Variants in GPRC5B observed in about 807,000 individuals in gnomAD.
The protein encoded by GPRC5B is G protein-coupled receptor class C group 5 member B.
In GPRC5B, 16 loss-of-function variants were observed where a neutral mutation model predicts 30.1. The observed-to-expected ratio is 0.53, with a 90% CI of 0.36 to 0.81. The LOEUF (loss-of-function observed/expected upper bound fraction) is 0.81, where lower values mean the gene tolerates loss of function less well. GPRC5B is among the 30% of genes least tolerant of loss of function. The pLI is 0.01. For missense variants in GPRC5B, 428 were observed against 544.7 expected, an observed-to-expected ratio of 0.79 and a Z score of 2.13; for synonymous variants, 241 against 239.5, an observed-to-expected ratio of 1.01 and a Z score of -0.06.
Position 19,858,793 on chromosome 16 carries a change from G to T in GPRC5B, c.*1707C>A, listed in dbSNP as rs958313083. 5.8e-4 allele frequency: 221 copies of T among 380,822 alleles called. 2 individuals are homozygous for T. The highest frequency in any genetic ancestry group is 9.0e-4 in the Non-Finnish European group (193 of 215,402). 23.6% of individuals were successfully genotyped at this position (380,822 alleles called of 1,614,324 possible). A position where few individuals can be genotyped will look rare whatever the true frequency, so the allele number is the denominator to read the frequency against. On this transcript the variant is annotated 3_prime_UTR_variant, in exon 4 of 4. Coordinates refer to ENST00000300571, the MANE Select transcript of GPRC5B (RefSeq NM_016235.3). ...GGCGGGGTGCTTCCGGGGAGGTCAGGTGGGGGTGGCATTCTGGGGCCATGC... is the reference window on the plus strand; with the variant it reads ...GGCGGGGTGCTTCCGGGGAGGTCAGTTGGGGGTGGCATTCTGGGGCCATGC...
Position 19,884,309 on chromosome 16 carries a change from T to C in GPRC5B, c.-2+418A>G, listed in dbSNP as rs1213583633. On this transcript the variant is annotated intron_variant, in intron 1 of 3. Transcript: ENST00000300571. The stretch of plus-strand genomic sequence containing the variant: ...TGTGCCCCCGGCTGCGTCTGCCCTG[T>C]CCACAGTCAGCCCCCAACGCGGCCC... 2.0e-5 allele frequency among the ~76,000 whole-genome samples: 3 copies of C among 150,320 alleles called. No homozygotes were observed. In the East Asian group the frequency reaches 6.0e-4, roughly 30 times the overall value.
chr16:19,880,580 C>A (rs906501306), intron 1 of GPRC5B, among the ~76,000 whole-genome samples: 3 of 152,078 alleles, frequency 2.0e-5, no homozygotes, highest in African/African-American at 7.2e-5. Context: ...AAGGGGAGAC[C>A]CTCTTGGGGT....
At chr16:19,876,596 A>T (rs1016382351) in intron 1 of GPRC5B, among the ~76,000 whole-genome samples, 1 of 152,058 alleles carries the variant, frequency 6.6e-6, no homozygotes, top group African/African-American at 2.4e-5. Flanking sequence ...AGCTCCTCCC[A>T]CTTCCTGCTC....
chr16:19,866,776 T>C (rs111235456), intron 2 of GPRC5B, among the ~76,000 whole-genome samples: 15 of 152,290 alleles, frequency 9.8e-5, no homozygotes, highest in African/African-American at 2.2e-4. Flanking sequence ...ATATTTTTGC[T>C]TTGGAAAAGA....
At chr16:19,869,365 A>G (rs2056694634) in intron 2 of GPRC5B, among the ~76,000 whole-genome samples, 1 of 151,772 alleles carries the variant, frequency 6.6e-6, no homozygotes, top group Non-Finnish European at 1.5e-5. Context: ...ACAGATTCAC[A>G]ATAGTGTCTG....
chr16:19,880,856 C>A (rs1418659244), intron 1 of GPRC5B: 1 of 152,302 alleles, frequency 6.6e-6, no homozygotes, highest in Non-Finnish European at 1.5e-5. Context: ...CTGGCCTTGC[C>A]CCAGCTGCTA....
In GPRC5B at chr16:19,872,305, G is replaced by A. The variant is rs774038607; in HGVS notation, c.541C>T (p.Leu181=). 2.7e-5 allele frequency: 44 copies of A among 1,613,968 alleles called. No homozygotes were observed. Among genetic ancestry groups the A allele is most frequent in the Non-Finnish European group, 3.7e-5 (44 of 1,180,028 alleles). The change falls in exon 2 of 4, where the codon CTG becomes TTG. Residue 181 remains leucine (L), a synonymous_variant. Coordinates refer to ENST00000300571, the MANE Select transcript of GPRC5B (RefSeq NM_016235.3). The surrounding 1 kb of genome is among the most constrained non-coding windows in gnomAD (Gnocchi z 5.0). ...LVQVIIAVEW[L]VLTVLRDTRP... ...GTGTCACGCAGCACGGTGAGCACCA[G>A]CCACTCCACAGCGATGATGACTTGC...
At chr16:19,863,731 G>C (rs2056645463) in intron 2 of GPRC5B, among the ~76,000 whole-genome samples, 1 of 151,982 alleles carries the variant, frequency 6.6e-6, no homozygotes, top group Non-Finnish European at 1.5e-5. Context: ...TCAAACTCCT[G>C]ACCAAGTGAT....
chr16:19,861,790 C>T lies in GPRC5B; in HGVS notation c.1167+47G>A, dbSNP rs770445030. The T allele has an allele frequency of 2.3e-5, 36 of 1,571,358 alleles. 1 individual carries two copies. The South Asian group carries it at 2.5e-4, about 11-fold the overall frequency. On this transcript the variant is annotated intron_variant, in intron 3 of 3. Transcript: ENST00000300571. The stretch of plus-strand genomic sequence containing the variant: ...CCCTGTTGAAGCTGCTCCCCGACAC[C>T]GTAGACTCCTAGGCTTCCTACCCCC...
chr16:19,880,154 A>G (rs2056793156), intron 1 of GPRC5B, among the ~76,000 whole-genome samples: 1 of 151,030 alleles, frequency 6.6e-6, no homozygotes, highest in African/African-American at 2.4e-5. Flanking sequence ...ATAATAAAAT[A>G]AAATAAATAA....
At position 19,859,325 on chromosome 16, in the gene GPRC5B, A is replaced by G. The variant is rs1234161533; in HGVS notation, c.*1175T>C. 1 of 152,708 alleles carries G rather than the reference A, an allele frequency of 6.5e-6. No homozygotes were observed. The highest frequency in any genetic ancestry group is 1.5e-5 in the Non-Finnish European group (1 of 68,076). 9.5% of individuals were successfully genotyped at this position (152,708 alleles called of 1,614,324 possible). ...AGGACAGATGGAAACCATGACAGAAACAATGGGCTTGGAAAAGGGCTGTTT... is the reference window on the plus strand; with the variant it reads ...AGGACAGATGGAAACCATGACAGAAGCAATGGGCTTGGAAAAGGGCTGTTT... On this transcript the variant is annotated 3_prime_UTR_variant, in exon 4 of 4. Transcript: ENST00000300571.
intron 1 of GPRC5B, among the ~76,000 whole-genome samples, chr16:19,877,202 A>C (rs2056765257): frequency 2.0e-5 from 3 of 152,202 alleles, no homozygotes; most frequent in Admixed American, 1.3e-4. Flanking sequence ...TCCATGCCTG[A>C]AGCCAGCCTA....
At chr16:19,867,713 G>C (rs1413197443) in intron 2 of GPRC5B, among the ~76,000 whole-genome samples, 1 of 152,206 alleles carries the variant, frequency 6.6e-6, no homozygotes, top group Non-Finnish European at 1.5e-5. Context: ...AGGTGATTAG[G>C]CCATCAGGGT....
Position 19,872,698 on chromosome 16 carries a change from C to T in GPRC5B, c.148G>A (p.Asp50Asn), listed in dbSNP as rs146371859. Residue 50 changes from aspartate to asparagine, a missense_variant, in exon 2 of 4, where the codon GAC becomes AAC. Coordinates refer to ENST00000300571, the MANE Select transcript of GPRC5B (RefSeq NM_016235.3). This position sits in a 1 kb window ranked among gnomAD's most constrained non-coding sequence, Gnocchi z 5.0. The part of the protein sequence containing the change: ...DLLPQYVSLC[D>N]LDAIWGIVVE... ...ACAATGCCCCAGATGGCGTCCAGGTCGCACAGGGACACGTACTGAGGGAGG... is the reference window on the plus strand; with the variant it reads ...ACAATGCCCCAGATGGCGTCCAGGTTGCACAGGGACACGTACTGAGGGAGG... 4.3e-5 allele frequency: 69 copies of T among 1,614,068 alleles called. No homozygotes were observed. The highest frequency in any genetic ancestry group is 2.9e-4 in the East Asian group (13 of 44,872).
intron 1 of GPRC5B, among the ~76,000 whole-genome samples, chr16:19,873,969 G>A (rs755903954): frequency 3.3e-5 from 5 of 152,078 alleles, no homozygotes; most frequent in Non-Finnish European, 5.9e-5. Flanking sequence ...TTCTAGTAGA[G>A]ACTAGGTTTC....
rs1254503177 is a variant in GPRC5B, at chr16:19,856,843, A to G, written c.*3657T>C. 5 of 337,368 alleles carry G rather than the reference A, an allele frequency of 1.5e-5. No individual in the cohort carries two copies. The highest frequency in any genetic ancestry group is 8.8e-4 in the Middle Eastern group (1 of 1,134). The allele number at this position is 337,368 out of a possible 1,614,324, so 20.9% of individuals were successfully genotyped here. A position where few individuals can be genotyped will look rare whatever the true frequency, so the allele number is the denominator to read the frequency against. ...ACACCAGCTGCTGTTAAAATGTACAATGAACTCTAGTCCCAAGGAATACAG... is the reference window on the plus strand; with the variant it reads ...ACACCAGCTGCTGTTAAAATGTACAGTGAACTCTAGTCCCAAGGAATACAG... On this transcript the variant is annotated 3_prime_UTR_variant, in exon 4 of 4. Coordinates refer to ENST00000300571, the MANE Select transcript of GPRC5B (RefSeq NM_016235.3).
At position 19,872,403 on chromosome 16, in the gene GPRC5B, C is replaced by T. The variant is rs996152159; in HGVS notation, c.443G>A (p.Arg148Gln). ...GCCCGTGCCATGCCGCACCAGCCTC[C>T]GCACGCGCCATGCCTGGCTCAGCAG... ...SCLLSQAWRV[R>Q]RLVRHGTGPA... The change falls in exon 2 of 4, where the codon CGG becomes CAG. Residue 148 changes from arginine to glutamine, a missense_variant. Arg to Gln is a conservative substitution (Grantham distance 43, BLOSUM62 1). Coordinates refer to ENST00000300571, the MANE Select transcript of GPRC5B (RefSeq NM_016235.3). The surrounding 1 kb of genome is among the most constrained non-coding windows in gnomAD (Gnocchi z 5.0). 16 of 1,613,494 alleles carry T rather than the reference C, an allele frequency of 9.9e-6. No individual in the cohort carries two copies. The highest frequency in any genetic ancestry group is 1.6e-4 in the Middle Eastern group (1 of 6,062).
chr16:19,871,297 A>AAAAAAAAAG (rs1567209331), intron 2 of GPRC5B, among the ~76,000 whole-genome samples: 2 of 150,402 alleles, frequency 1.3e-5, no homozygotes, highest in African/African-American at 4.9e-5. Flanking sequence ...AAAAAAAAAA[A>AAAAAAAAAG]AAAGAAAGAA....
intron 1 of GPRC5B, among the ~76,000 whole-genome samples, chr16:19,884,273 A>C (rs2056833369): frequency 6.7e-6 from 1 of 150,070 alleles, no homozygotes; most frequent in East Asian, 2.0e-4. Flanking sequence ...TCACCCCCAA[A>C]GTCCAGCCCT....
Sources: allele counts gnomAD v4.1 joint callset (sites outside exome capture counted in the v4.1 genomes callset), GRCh38; gene constraint gnomAD v4.1.1; non-coding constraint Gnocchi (gnomAD v3.1); transcripts MANE v1.5; gene names NCBI Gene and HGNC (gene_info 2026-07-23, HGNC 2026-07-21).